Variants in ASXL2 observed in about 807,000 individuals in gnomAD.
ASXL2 encodes ASXL transcriptional regulator 2, also known as putative Polycomb group protein ASXL2.
A neutral mutation model predicts 122.0 loss-of-function variants in ASXL2; 23 were observed. That is an observed-to-expected ratio of 0.19 (90% CI 0.14 to 0.27). The LOEUF (loss-of-function observed/expected upper bound fraction) is 0.27, where lower values mean the gene tolerates loss of function less well. Among genes scored for constraint, ASXL2 ranks in the 10% least tolerant of loss-of-function variants. The pLI is 1.00. For missense variants in ASXL2, 1,518 were observed against 1,713.8 expected, an observed-to-expected ratio of 0.89 and a Z score of 2.02; for synonymous variants, 650 against 637.0, an observed-to-expected ratio of 1.02 and a Z score of -0.31.
chr2:25,832,952 A>G (rs779480833), intron 3 of ASXL2, among the ~76,000 whole-genome samples: 4 of 152,216 alleles, frequency 2.6e-5, no homozygotes, highest in Non-Finnish European at 4.4e-5. Context: ...ATGGTTACAT[A>G]CTCTATGATT....
chr2:25,758,320 A>C (rs188097236), intron 9 of ASXL2, among the ~76,000 whole-genome samples: 97 of 152,362 alleles, frequency 6.4e-4, no homozygotes, highest in African/African-American at 2.2e-3. Context: ...ACTACGAACA[A>C]GAGAGTATAA....
At chr2:25,778,229 C>G (rs1054746839) in intron 5 of ASXL2, among the ~76,000 whole-genome samples, 3 of 152,216 alleles carry the variant, frequency 2.0e-5, no homozygotes, top group Non-Finnish European at 4.4e-5. Flanking sequence ...CAGACAAGAT[C>G]ATCCTGGATT....
At chr2:25,857,326 T>C (rs1471406202) in intron 1 of ASXL2, among the ~76,000 whole-genome samples, 1 of 152,176 alleles carries the variant, frequency 6.6e-6, no homozygotes, top group Non-Finnish European at 1.5e-5. Flanking sequence ...TGGCACTATC[T>C]AGACACAAGA....
Position 25,741,084 on chromosome 2 carries a change from A to G in ASXL2, c.*945T>C, listed in dbSNP as rs1029970065. ...TCAATTTAACAGTTTCTGTGGTTTC[A>G]CTCCCCTTGCTCAACAAGATGTAGC... On this transcript the variant is annotated 3_prime_UTR_variant, in exon 13 of 13. Transcript: ENST00000435504. 5.1e-6 allele frequency: 1 copy of G among 197,156 alleles called. No homozygotes were observed. Among genetic ancestry groups the G allele is most frequent in the Non-Finnish European group, 1.0e-5 (1 of 95,330 alleles). 12.2% of individuals were successfully genotyped at this position (197,156 alleles called of 1,614,324 possible). A position where few individuals can be genotyped will look rare whatever the true frequency, so the allele number is the denominator to read the frequency against.
intron 5 of ASXL2, 122 bp downstream of exon 5, chr2:25,799,263 G>C (rs1348237114): frequency 4.5e-6 from 6 of 1,326,026 alleles, no homozygotes; most frequent in Admixed American, 1.9e-5. Flanking sequence ...TCCTTGACAG[G>C]ACTGTTATAG....
chr2:25,804,192 A>G lies in ASXL2; in HGVS notation c.252+2037T>C, dbSNP rs748804065. 1.4e-4 allele frequency among the ~76,000 whole-genome samples: 22 copies of G among 152,226 alleles called. 1 individual carries two copies. Among genetic ancestry groups the G allele is most frequent in the Non-Finnish European group, 7.3e-5 (5 of 68,042 alleles). ...AGATCTTTCTAATGTTAGGCTCTAC[A>G]CAACCATTGGGCACAGTGATGACTG... On this transcript the variant is annotated intron_variant, in intron 4 of 12. Transcript: ENST00000435504.
At chr2:25,809,305 A>AAG (rs2089131556) in intron 3 of ASXL2, among the ~76,000 whole-genome samples, 1 of 152,010 alleles carries the variant, frequency 6.6e-6, no homozygotes, top group Admixed American at 6.6e-5. Flanking sequence ...TGAAAAAAAA[A>AAG]AAAGAAATAA....
intron 6 of ASXL2, among the ~76,000 whole-genome samples, chr2:25,770,296 CGTCCTGG>C (rs1559506088): frequency 6.6e-6 from 1 of 152,058 alleles, no homozygotes; most frequent in Non-Finnish European, 1.5e-5. Context: ...GTAATCTCCA[CGTCCTGG>C]GTTCAAATGA....
intron 1 of ASXL2, among the ~76,000 whole-genome samples, chr2:25,846,286 G>A (rs2089647729): frequency 6.6e-6 from 1 of 152,198 alleles, no homozygotes; most frequent in South Asian, 2.1e-4. Context: ...TCGCATGGGA[G>A]CAGCTGTGGT....
chr2:25,794,374 G>T (rs2088881617), intron 5 of ASXL2, among the ~76,000 whole-genome samples: 1 of 152,048 alleles, frequency 6.6e-6, no homozygotes, highest in South Asian at 2.1e-4. Flanking sequence ...ATTTTATTTT[G>T]GGGAAAAGGC....
At chr2:25,834,898 C>T (rs1278267983) in intron 3 of ASXL2, among the ~76,000 whole-genome samples, 1 of 152,118 alleles carries the variant, frequency 6.6e-6, no homozygotes, top group Non-Finnish European at 1.5e-5. Context: ...TCTCGGCTCA[C>T]TGCAACCTCC....
intron 3 of ASXL2, among the ~76,000 whole-genome samples, chr2:25,814,761 G>A (rs2089213187): frequency 6.6e-6 from 1 of 152,198 alleles, no homozygotes; most frequent in African/African-American, 2.4e-5. Flanking sequence ...AGGGCTAAGA[G>A]AGCAGAAGTC....
chr2:25,767,943 A>C (rs563743695), intron 7 of ASXL2, among the ~76,000 whole-genome samples: 1 of 152,324 alleles, frequency 6.6e-6, no homozygotes, highest in Non-Finnish European at 1.5e-5. Flanking sequence ...TTCCTTTCTC[A>C]TAAAAATGCA....
intron 3 of ASXL2, among the ~76,000 whole-genome samples, chr2:25,829,751 A>G (rs994754547): frequency 6.6e-6 from 1 of 152,210 alleles, no homozygotes; most frequent in Non-Finnish European, 1.5e-5. Context: ...TGTTCCCTCA[A>G]GTCTCAAAAA....
chr2:25,812,060 G>A (rs2089177150), intron 3 of ASXL2, among the ~76,000 whole-genome samples: 1 of 151,322 alleles, frequency 6.6e-6, no homozygotes, highest in Admixed American at 6.6e-5. Flanking sequence ...GTCTGATATT[G>A]TACTATATTT....
At position 25,734,781 on chromosome 2, in the gene ASXL2, A is replaced by G. The variant is rs1363112642; in HGVS notation, c.*7248T>C. ...TAGTGGCAAAAGCCACCACAGTTCA[A>G]TAGAAAACTATTCCTTATCCCACAG... On this transcript the variant is annotated 3_prime_UTR_variant, in exon 13 of 13. Transcript: ENST00000435504. The G allele has an allele frequency of 6.6e-6, 1 of 152,214 alleles. No individual in the cohort carries two copies. The highest frequency in any genetic ancestry group is 6.5e-5 in the Admixed American group (1 of 15,276). The allele number at this position is 152,214 out of a possible 1,614,324, so 9.4% of individuals were successfully genotyped here. A position where few individuals can be genotyped will look rare whatever the true frequency, so the allele number is the denominator to read the frequency against.
At chr2:25,845,625 T>C in intron 1 of ASXL2, 62 bp from the exon 2 acceptor site, 1 of 746,340 alleles carries the variant, frequency 1.3e-6, no homozygotes, top group East Asian at 3.9e-5. Context: ...ATTCTATATA[T>C]ATTTCTTATA....
chr2:25,789,602 T>C (rs1425587420), intron 5 of ASXL2, among the ~76,000 whole-genome samples: 1 of 152,140 alleles, frequency 6.6e-6, no homozygotes, highest in African/African-American at 2.4e-5. Context: ...TACAAGCTGA[T>C]CATTCCAAAT....
intron 3 of ASXL2, among the ~76,000 whole-genome samples, chr2:25,806,779 G>C (rs2089089252): frequency 6.6e-6 from 1 of 152,096 alleles, no homozygotes; most frequent in Non-Finnish European, 1.5e-5. Context: ...ATTGTCTCTT[G>C]TATTCAAACC....
Sources: allele counts gnomAD v4.1 joint callset (sites outside exome capture counted in the v4.1 genomes callset), GRCh38; gene constraint gnomAD v4.1.1; transcripts MANE v1.5; gene names NCBI Gene and HGNC (gene_info 2026-07-23, HGNC 2026-07-21).